HECW2: variants seen among roughly 807,000 people sequenced by gnomAD.
HECW2 encodes the protein HECT, C2 and WW domain containing E3 ubiquitin protein ligase 2.
Under a neutral mutation model 175.2 loss-of-function variants are expected in HECW2, and 61 were observed. The observed-to-expected ratio is 0.35, with a 90% confidence interval of 0.28 to 0.43. The LOEUF is 0.43. Ranked by LOEUF, HECW2 falls within the 20% of genes least tolerant of loss-of-function variation. The pLI, the probability that HECW2 is intolerant of heterozygous loss-of-function variation, is 1.00. For missense variants in HECW2, 1,524 were observed against 2,000.5 expected, an observed-to-expected ratio of 0.76 and a Z score of 4.54; for synonymous variants, 671 against 731.0, an observed-to-expected ratio of 0.92 and a Z score of 1.32.
At chr2:196,337,619 T>C (rs1692598986) in intron 3 of HECW2, among the ~76,000 whole-genome samples, 1 of 151,348 alleles carries the variant, frequency 6.6e-6, no homozygotes. Flanking sequence ...CATTTTAATA[T>C]TTGCATATAC....
intron 3 of HECW2, among the ~76,000 whole-genome samples, chr2:196,335,975 G>C (rs192603832): frequency 6.6e-6 from 1 of 152,274 alleles, no homozygotes; most frequent in Non-Finnish European, 1.5e-5. Flanking sequence ...AAGAGCACCA[G>C]GTCGAACAGC....
intron 2 of HECW2, among the ~76,000 whole-genome samples, chr2:196,399,965 C>T (rs1388352874): frequency 6.6e-6 from 1 of 152,134 alleles, no homozygotes; most frequent in Non-Finnish European, 1.5e-5. Context: ...TCCTAAGGAG[C>T]ACTCAACAAT....
chr2:196,477,567 C>G (rs1686688989), intron 1 of HECW2, among the ~76,000 whole-genome samples: 1 of 152,190 alleles, frequency 6.6e-6, no homozygotes, highest in South Asian at 2.1e-4. Context: ...CACACAAAGT[C>G]TATGCTATTA....
At chr2:196,374,046 A>AAAAT (rs1553509127) in intron 2 of HECW2, among the ~76,000 whole-genome samples, 90 of 148,662 alleles carry the variant, frequency 6.1e-4, no homozygotes, top group Middle Eastern at 3.5e-3. Context: ...AAAATAAAAT[A>AAAAT]AAATAAATAA....
chr2:196,560,774 C>A (rs926796453), intron 1 of HECW2, among the ~76,000 whole-genome samples: 13 of 152,194 alleles, frequency 8.5e-5, no homozygotes, highest in African/African-American at 2.9e-4. Context: ...GAAGCCGTGA[C>A]AGAAGAACAT....
intron 28 of HECW2, among the ~76,000 whole-genome samples, chr2:196,203,007 G>A (rs550319659): frequency 2.1e-4 from 32 of 152,188 alleles, no homozygotes; most frequent in South Asian, 1.0e-3. Context: ...AGTTTTGACC[G>A]CGTTTTTGAC....
rs116148282 is a variant in HECW2, at chr2:196,447,927, C to T, written c.-35-14469G>A. Among the ~76,000 whole-genome samples, 611 of 152,168 alleles carry T rather than the reference C, an allele frequency of 4.0e-3. 10 individuals are homozygous for T. Among genetic ancestry groups the T allele is most frequent in the African/African-American group, 0.013 (560 of 41,500 alleles). ...AAAAAAAGCTAGCCATGCGTGGTGG[C>T]GCACACCTGTAGTCCCAGCTACTCA... On this transcript the variant is annotated intron_variant, in intron 1 of 28. Coordinates refer to ENST00000644978, the MANE Select transcript of HECW2 (RefSeq NM_001348768.2).
chr2:196,423,311 A>G (rs1695454109), intron 2 of HECW2, among the ~76,000 whole-genome samples: 1 of 152,060 alleles, frequency 6.6e-6, no homozygotes, highest in African/African-American at 2.4e-5. Context: ...TTAAAAATGG[A>G]GAAATTCAGG....
intron 14 of HECW2, chr2:196,290,528 TG>T (rs1690566920): frequency 6.6e-6 from 1 of 152,178 alleles, no homozygotes; most frequent in Non-Finnish European, 1.5e-5. Flanking sequence ...TATCTTAACT[TG>T]GGTTTTCCCT....
intron 1 of HECW2, among the ~76,000 whole-genome samples, chr2:196,580,349 A>C (rs1212552051): frequency 6.6e-6 from 1 of 152,240 alleles, no homozygotes; most frequent in Non-Finnish European, 1.5e-5. Context: ...CATTAAATTT[A>C]TAAACTTTTC....
chr2:196,498,499 G>T (rs1327362056), intron 1 of HECW2, among the ~76,000 whole-genome samples: 1 of 152,090 alleles, frequency 6.6e-6, no homozygotes, highest in Non-Finnish European at 1.5e-5. Context: ...TAACTGACTC[G>T]ATTTTACTGC....
chr2:196,216,123 A>AGGTGTGG (rs1687466812), intron 27 of HECW2, 146 bp from the exon 28 acceptor site: 2 of 611,406 alleles, frequency 3.3e-6, no homozygotes, highest in South Asian at 3.9e-5. Context: ...GAATAATCAC[A>AGGTGTGG]ACACAATTCT....
chr2:196,590,901 G>C (rs376704221), intron 1 of HECW2, among the ~76,000 whole-genome samples: 1 of 152,120 alleles, frequency 6.6e-6, no homozygotes, highest in African/African-American at 2.4e-5. Flanking sequence ...TTTATTTTTT[G>C]TCTCCTGTTC....
At chr2:196,241,327 T>C (rs565813530) in intron 20 of HECW2, among the ~76,000 whole-genome samples, 1 of 152,292 alleles carries the variant, frequency 6.6e-6, no homozygotes, top group East Asian at 1.9e-4. Flanking sequence ...CAGATGATTT[T>C]TTAGGGCAAT....
intron 3 of HECW2, among the ~76,000 whole-genome samples, chr2:196,341,734 T>G (rs891005149): frequency 6.6e-6 from 1 of 152,182 alleles, no homozygotes; most frequent in Non-Finnish European, 1.5e-5. Context: ...GAGAATCCAG[T>G]CAGAAAACTG....
intron 1 of HECW2, among the ~76,000 whole-genome samples, chr2:196,436,707 C>T (rs1347886162): frequency 6.6e-6 from 1 of 151,134 alleles, no homozygotes; most frequent in Non-Finnish European, 1.5e-5. Flanking sequence ...TACATGTCTA[C>T]CATAAAGCTG....
chr2:196,551,734 C>A (rs972994606), intron 1 of HECW2, among the ~76,000 whole-genome samples: 2 of 152,078 alleles, frequency 1.3e-5, no homozygotes, highest in Non-Finnish European at 2.9e-5. Context: ...CTTAGATGTA[C>A]AATAATTATT....
At chr2:196,278,376 T>C (rs1690056886) in intron 15 of HECW2, 152 bp downstream of exon 15, 3 of 793,686 alleles carry the variant, frequency 3.8e-6, no homozygotes, top group Non-Finnish European at 3.8e-6. Flanking sequence ...AGAGAAGCCC[T>C]GTCAACATTC....
At chr2:196,271,399 T>C in intron 16 of HECW2, 110 bp from the exon 17 acceptor site, 9 of 720,550 alleles carry the variant, frequency 1.2e-5, no homozygotes, top group Non-Finnish European at 2.4e-6. Flanking sequence ...TTTTCCTGCC[T>C]CAGGCTTGCA....
Sources: gnomAD v4.1 joint callset for allele counts (sites outside exome capture counted in the v4.1 genomes callset) on GRCh38, gnomAD v4.1.1 for gene constraint, MANE v1.5 for transcripts, NCBI Gene and HGNC (gene_info 2026-07-23, HGNC 2026-07-21) for gene names.